Variants in GNAQ observed in about 807,000 individuals in gnomAD.
The protein encoded by GNAQ is G protein subunit alpha q, also known as guanine nucleotide-binding protein G(q) subunit alpha.
Under a neutral mutation model 43.9 loss-of-function variants are expected in GNAQ, and 8 were observed. That is an observed-to-expected ratio of 0.18 (90% CI 0.11 to 0.33). The LOEUF (loss-of-function observed/expected upper bound fraction) is 0.33, where lower values mean the gene tolerates loss of function less well. GNAQ is among the 10% of genes least tolerant of loss of function. GNAQ has a pLI of 1.00. For synonymous variants in GNAQ, 155 were observed against 170.7 expected (o/e 0.91, Z 0.71); for missense variants, 158 against 450.8 (o/e 0.35, Z 5.88).
intron 1 of GNAQ, among the ~76,000 whole-genome samples, chr9:77,937,926 TAGA>T (rs1290872726): frequency 1.3e-5 from 2 of 152,152 alleles, no homozygotes; most frequent in Non-Finnish European, 2.9e-5. Flanking sequence ...TAAAAAAAGA[TAGA>T]AGAGCTTGCT....
intron 2 of GNAQ, among the ~76,000 whole-genome samples, chr9:77,917,664 A>C (rs1233410386): frequency 6.6e-6 from 1 of 152,196 alleles, no homozygotes; most frequent in Non-Finnish European, 1.5e-5. Flanking sequence ...TTTTGATTTG[A>C]CCGAGTGACA....
In GNAQ at chr9:77,746,403, C is replaced by T. The variant is rs193223411; in HGVS notation, c.736-17736G>A. 2.0e-5 allele frequency among the ~76,000 whole-genome samples: 3 copies of T among 152,126 alleles called. No individual in the cohort carries two copies. In the East Asian group the frequency reaches 5.8e-4, roughly 29 times the overall value. ...ATAAAATGCAACGGAACAACCAGTCCTGATTAGAAAAGACAAAGCCAAAAG... is the reference window on the plus strand; with the variant it reads ...ATAAAATGCAACGGAACAACCAGTCTTGATTAGAAAAGACAAAGCCAAAAG... On this transcript the variant is annotated intron_variant, in intron 5 of 6. Transcript: ENST00000286548.
intron 1 of GNAQ, among the ~76,000 whole-genome samples, chr9:77,933,097 C>T (rs1829175063): frequency 1.3e-5 from 2 of 152,172 alleles, no homozygotes; most frequent in African/African-American, 4.8e-5. Context: ...CACTCTCGTA[C>T]ACCTAGAAAG....
intron 5 of GNAQ, 119 bp from the exon 6 acceptor site, chr9:77,728,786 C>T: frequency 1.5e-6 from 1 of 681,268 alleles, no homozygotes; most frequent in Non-Finnish European, 2.5e-6. Flanking sequence ...TTTTTGTAGC[C>T]CTGTGTTGGA....
At chr9:77,989,129 A>C (rs1823478127) in intron 1 of GNAQ, among the ~76,000 whole-genome samples, 1 of 152,190 alleles carries the variant, frequency 6.6e-6, no homozygotes, top group South Asian at 2.1e-4. Flanking sequence ...CTCTTTACAG[A>C]AATGAAGTAT....
chr9:77,952,791 G>T (rs896978180), intron 1 of GNAQ, among the ~76,000 whole-genome samples: 2 of 152,108 alleles, frequency 1.3e-5, no homozygotes, highest in African/African-American at 4.8e-5. Flanking sequence ...AAATGTCTAA[G>T]AAGCCCATTA....
At chr9:77,769,522 A>G (rs1826187074) in intron 5 of GNAQ, among the ~76,000 whole-genome samples, 1 of 152,182 alleles carries the variant, frequency 6.6e-6, no homozygotes, top group African/African-American at 2.4e-5. Context: ...ATTCTGTAAC[A>G]CAGGCAGGAA....
intron 1 of GNAQ, among the ~76,000 whole-genome samples, chr9:78,019,940 AAAG>A (rs1206870815): frequency 1.2e-4 from 18 of 147,330 alleles, no homozygotes; most frequent in African/African-American, 4.2e-4. Flanking sequence ...AAAAAAAAAA[AAAG>A]AAAGAAAAGA....
At chr9:77,928,917 C>T (rs1829107175) in intron 1 of GNAQ, among the ~76,000 whole-genome samples, 1 of 152,106 alleles carries the variant, frequency 6.6e-6, no homozygotes, top group Non-Finnish European at 1.5e-5. Context: ...ACTCAGGAGG[C>T]TGAGGCAGGA....
intron 1 of GNAQ, chr9:78,030,641 G>A: frequency 2.3e-6 from 1 of 433,958 alleles, no homozygotes; most frequent in South Asian, 1.7e-5. Flanking sequence ...AACGTGCCCC[G>A]GCTCCGCTCG....
chr9:78,007,305 G>A (rs1587458086), intron 1 of GNAQ, among the ~76,000 whole-genome samples: 3 of 145,556 alleles, frequency 2.1e-5, no homozygotes, highest in South Asian at 2.2e-4. Context: ...TTTTTGCAAA[G>A]GACACTTAAA....
At position 77,801,405 on chromosome 9, in the gene GNAQ, A is replaced by G. The variant is rs76185831; in HGVS notation, c.477-3757T>C. 9.6e-4 allele frequency among the ~76,000 whole-genome samples: 147 copies of G among 152,334 alleles called. 3 individuals are homozygous for G. In the East Asian group the frequency reaches 0.023, roughly 24 times the overall value. On this transcript the variant is annotated intron_variant, in intron 3 of 6. Coordinates refer to ENST00000286548, the MANE Select transcript of GNAQ (RefSeq NM_002072.5). ...GATCACAGAGAATGACAACAACAGCATAACAACAAATAACACTGAGCACCT... is the reference window on the plus strand; with the variant it reads ...GATCACAGAGAATGACAACAACAGCGTAACAACAAATAACACTGAGCACCT...
At chr9:77,940,928 C>A (rs1829306877) in intron 1 of GNAQ, among the ~76,000 whole-genome samples, 1 of 151,458 alleles carries the variant, frequency 6.6e-6, no homozygotes, top group South Asian at 2.1e-4. Context: ...CACACCACTG[C>A]ACTCCAGCCT....
intron 5 of GNAQ, among the ~76,000 whole-genome samples, chr9:77,742,078 C>T (rs892536334): frequency 6.6e-6 from 1 of 152,116 alleles, no homozygotes. Flanking sequence ...GGCCCTGGCA[C>T]CTTTAAAAGC....
chr9:77,985,155 A>C (rs1823419296), intron 1 of GNAQ, among the ~76,000 whole-genome samples: 1 of 152,076 alleles, frequency 6.6e-6, no homozygotes, highest in Non-Finnish European at 1.5e-5. Flanking sequence ...CTAAAAATAC[A>C]AAAAATTAGC....
chr9:77,732,648 G>A (rs562674501), intron 5 of GNAQ, among the ~76,000 whole-genome samples: 38 of 152,288 alleles, frequency 2.5e-4, no homozygotes, highest in African/African-American at 8.4e-4. Context: ...TTACAGGCGT[G>A]AGCCACCGCA....
chr9:78,025,661 G>A (rs1005744366), intron 1 of GNAQ, among the ~76,000 whole-genome samples: 3 of 152,122 alleles, frequency 2.0e-5, no homozygotes, highest in South Asian at 2.1e-4. Flanking sequence ...ACCTTCTGAG[G>A]GAGAAAGCAA....
At chr9:77,846,528 CAAG>C (rs1439950392) in intron 2 of GNAQ, among the ~76,000 whole-genome samples, 9 of 152,104 alleles carry the variant, frequency 5.9e-5, no homozygotes, top group African/African-American at 2.2e-4. Context: ...CCTGGTAGGC[CAAG>C]AAGACCTCTT....
At chr9:77,988,779 C>G (rs2118515595) in intron 1 of GNAQ, among the ~76,000 whole-genome samples, 1 of 152,300 alleles carries the variant, frequency 6.6e-6, no homozygotes, top group African/African-American at 2.4e-5. Context: ...TCCTAATTTA[C>G]TAATCTCAAT....
Sources: allele counts gnomAD v4.1 joint callset (sites outside exome capture counted in the v4.1 genomes callset), GRCh38; gene constraint gnomAD v4.1.1; transcripts MANE v1.5; gene names NCBI Gene and HGNC (gene_info 2026-07-23, HGNC 2026-07-21).